The following NMT2 variants were observed in gnomAD, a reference collection of about 807,000 sequenced individuals.
NMT2 encodes the protein N-myristoyltransferase 2, also known as glycylpeptide N-tetradecanoyltransferase 2.
NMT2 carries 35 observed loss-of-function variants against 65.4 expected under a neutral mutation model. The observed-to-expected ratio is 0.54, with a 90% CI of 0.41 to 0.71. The LOEUF (loss-of-function observed/expected upper bound fraction) is 0.71, where lower values mean the gene tolerates loss of function less well. Among genes scored for constraint, NMT2 ranks in the 30% least tolerant of loss-of-function variants. The pLI, the probability that NMT2 is intolerant of heterozygous loss-of-function variation, is 0.00. For synonymous variants in NMT2, 226 were observed against 231.8 expected, an observed-to-expected ratio of 0.98 and a Z score of 0.23; for missense variants, 489 against 611.3, an observed-to-expected ratio of 0.80 and a Z score of 2.11.
At chr10:15,130,821 G>A (rs1156746990) in intron 6 of NMT2, among the ~76,000 whole-genome samples, 17 of 120,020 alleles carry the variant, frequency 1.4e-4, no homozygotes, top group South Asian at 2.4e-4. Flanking sequence ...ACAGATTGTC[G>A]CACTGTCACC....
intron 5 of NMT2, 49 bp downstream of exon 5, chr10:15,133,004 C>T: frequency 6.3e-7 from 1 of 1,595,732 alleles, no homozygotes. Flanking sequence ...CGCAGGAGTC[C>T]CCAAGTCAGC....
chr10:15,160,424 TA>T (rs1275951218), intron 1 of NMT2, among the ~76,000 whole-genome samples: 3 of 152,064 alleles, frequency 2.0e-5, no homozygotes, highest in Admixed American at 2.0e-4. Flanking sequence ...CATGAAAACT[TA>T]AGACCCCAAG....
At position 15,159,526 on chromosome 10, in the gene NMT2, G is replaced by A. The variant is rs563739515; in HGVS notation, c.110+8977C>T. The stretch of plus-strand genomic sequence containing the variant: ...TTATAAAGTGATCTCCATCTCTCGG[G>A]TTCAAGCAATTCTGCCTCAGCCTCC... On this transcript the variant is annotated intron_variant, in intron 1 of 11. Coordinates refer to ENST00000378165, the MANE Select transcript of NMT2 (RefSeq NM_004808.3). Among the ~76,000 whole-genome samples the A allele has an allele frequency of 1.8e-4, 27 of 152,110 alleles. No homozygotes were observed. In the South Asian group the frequency reaches 2.3e-3, roughly 13 times the overall value.
chr10:15,135,868 AG>A (rs1472166856), intron 2 of NMT2, among the ~76,000 whole-genome samples: 1 of 150,476 alleles, frequency 6.6e-6, no homozygotes, highest in African/African-American at 2.4e-5. Flanking sequence ...AGAGAAGGGA[AG>A]GGAAGGGGAG....
rs145379974 is a variant in NMT2 at position 15,116,387 on chromosome 10, G to A, written c.1170+2956C>T. Among the ~76,000 whole-genome samples, 12 of 152,244 alleles carry A rather than the reference G, an allele frequency of 7.9e-5. No individual in the cohort carries two copies. In the East Asian group the frequency reaches 1.9e-3, roughly 24 times the overall value. On this transcript the variant is annotated intron_variant, in intron 9 of 11. Coordinates refer to ENST00000378165, the MANE Select transcript of NMT2 (RefSeq NM_004808.3). Reference sequence around the variant, plus strand: ...AAAATACATAGACGTGAATGACAACGAAGATACAACATACCAAAATACGTC... The same window carrying A: ...AAAATACATAGACGTGAATGACAACAAAGATACAACATACCAAAATACGTC...
At chr10:15,116,088 T>C (rs7921976) in intron 9 of NMT2, among the ~76,000 whole-genome samples, 20,470 of 152,190 alleles carry the variant, frequency 0.13, 1,425 homozygotes, top group Middle Eastern at 0.22. Flanking sequence ...CATGATGCAA[T>C]TGCCATACAA....
intron 1 of NMT2, among the ~76,000 whole-genome samples, chr10:15,157,524 G>A (rs1043803506): frequency 2.0e-5 from 3 of 152,178 alleles, no homozygotes; most frequent in African/African-American, 7.2e-5. Context: ...GCTGGGGGCA[G>A]GGGGCAGAGG....
At chr10:15,132,409 C>A (rs1037856513) in intron 6 of NMT2, among the ~76,000 whole-genome samples, 5 of 152,056 alleles carry the variant, frequency 3.3e-5, no homozygotes, top group Non-Finnish European at 7.4e-5. Flanking sequence ...GGACAGCTTG[C>A]ATTCAGTCAT....
intron 2 of NMT2, among the ~76,000 whole-genome samples, chr10:15,135,778 G>A (rs1026057911): frequency 1.3e-5 from 2 of 152,096 alleles, no homozygotes; most frequent in South Asian, 2.1e-4. Context: ...CGAGCCTTGG[G>A]TGGGGGGCAC....
At chr10:15,140,509 TCTTTC>T (rs1846712016) in intron 2 of NMT2, among the ~76,000 whole-genome samples, 1 of 152,098 alleles carries the variant, frequency 6.6e-6, no homozygotes, top group Admixed American at 6.6e-5. Flanking sequence ...TTCTTTCTTT[TCTTTC>T]TTTTTCTTTT....
At chr10:15,140,872 A>C in intron 2 of NMT2, 1 of 967,308 alleles carries the variant, frequency 1.0e-6, no homozygotes, top group South Asian at 1.4e-5. Flanking sequence ...CCAGCTGGAC[A>C]ACTTCTGGTT....
chr10:15,167,763 A>G (rs984172162), intron 1 of NMT2, among the ~76,000 whole-genome samples: 1 of 152,242 alleles, frequency 6.6e-6, no homozygotes, highest in Non-Finnish European at 1.5e-5. Flanking sequence ...AAATCCGATC[A>G]AGTGTGAAAA....
Position 15,106,955 on chromosome 10 carries a change from G to C in NMT2, c.*2240C>G, listed in dbSNP as rs553172073. On this transcript the variant is annotated 3_prime_UTR_variant, in exon 12 of 12. Coordinates refer to ENST00000378165, the MANE Select transcript of NMT2 (RefSeq NM_004808.3). ...GTCTCTACAAAAAATGAAAAACTTAGCCAGGCGTGGTGGTATGCACGCCCA... is the reference window on the plus strand; with the variant it reads ...GTCTCTACAAAAAATGAAAAACTTACCCAGGCGTGGTGGTATGCACGCCCA... 4.3e-4 allele frequency among the ~76,000 whole-genome samples: 66 copies of C among 152,196 alleles called. No homozygotes were observed. The highest frequency in any genetic ancestry group is 8.8e-5 in the Non-Finnish European group (6 of 68,006).
At chr10:15,152,818 A>G (rs192119363) in intron 1 of NMT2, among the ~76,000 whole-genome samples, 39 of 152,266 alleles carry the variant, frequency 2.6e-4, no homozygotes, top group Middle Eastern at 3.4e-3. Context: ...ATCTCAACAC[A>G]CCACACTGCC....
Position 15,108,478 on chromosome 10 carries a change from C to G in NMT2, c.*717G>C, listed in dbSNP as rs1845392504. On this transcript the variant is annotated 3_prime_UTR_variant, in exon 12 of 12. Transcript: ENST00000378165. ...GGGATTACAGGCGTGAGCCACCACG[C>G]CCGGCCTCAGGCTCTTTCAGAGAGC... 5 of 985,290 alleles carry G rather than the reference C, an allele frequency of 5.1e-6. No individual in the cohort carries two copies. Among genetic ancestry groups the G allele is most frequent in the Non-Finnish European group, 6.0e-6 (5 of 829,894 alleles). The allele number at this position is 985,290 out of a possible 1,614,324, so 61.0% of individuals were successfully genotyped here.
chr10:15,107,630 T>G lies in NMT2; in HGVS notation c.*1565A>C, dbSNP rs1389069381. On this transcript the variant is annotated 3_prime_UTR_variant, in exon 12 of 12. Coordinates refer to ENST00000378165, the MANE Select transcript of NMT2 (RefSeq NM_004808.3). ...CCACACCCAGCTAGTTCTTTTTGAATTTTTAGTAGAGATGGGGTTTCACCA... is the reference window on the plus strand; with the variant it reads ...CCACACCCAGCTAGTTCTTTTTGAAGTTTTAGTAGAGATGGGGTTTCACCA... 4.2e-6 allele frequency: 2 copies of G among 476,038 alleles called. No homozygotes were observed. The highest frequency in any genetic ancestry group is 4.3e-5 in the African/African-American group (2 of 47,026). The allele number at this position is 476,038 out of a possible 1,614,324, so 29.5% of individuals were successfully genotyped here.
chr10:15,166,826 G>C (rs180917913), intron 1 of NMT2, among the ~76,000 whole-genome samples: 2 of 152,236 alleles, frequency 1.3e-5, no homozygotes, highest in East Asian at 3.9e-4. Flanking sequence ...GAAAGGTGTC[G>C]GGGGACAGGC....
In NMT2 at chr10:15,155,089, A is replaced by G. The variant is rs1415673468; in HGVS notation, c.110+13414T>C. The G allele has an allele frequency of 2.8e-6, 4 of 1,407,208 alleles. No individual in the cohort carries two copies. The East Asian group carries it at 9.2e-5, about 32-fold the overall frequency. 87.2% of individuals were successfully genotyped at this position (1,407,208 alleles called of 1,614,324 possible). ...TTCTCATCATCAAATTTCTCCCTGT[A>G]GACAGACTTGCCACCAGTGCCATTA... On this transcript the variant is annotated intron_variant, in intron 1 of 11. Coordinates refer to ENST00000378165, the MANE Select transcript of NMT2 (RefSeq NM_004808.3).
rs34668178 is a variant in NMT2, at chr10:15,147,095, CAAAAAAAAAAAAAAAAAAAAAAAAA to C, written c.111-5563_111-5539del. 1.1e-4 allele frequency among the ~76,000 whole-genome samples: 5 copies of C among 44,488 alleles called. No homozygotes were observed. In the East Asian group the frequency reaches 3.3e-3, roughly 29 times the overall value. The allele number at this position is 44,488 out of a possible 152,430, so 29.2% of individuals were successfully genotyped here. A position where few individuals can be genotyped will look rare whatever the true frequency, so the allele number is the denominator to read the frequency against. ...CAACAGCGAAAGATCCTCTCGCTCT[CAAAAAAAAAAAAAAAAAAAAAAAAA>C]AAAAAAAAAAAAAAAGTGACATCAA... On this transcript the variant is annotated intron_variant, in intron 1 of 11. Transcript: ENST00000378165.
Sources: allele counts gnomAD v4.1 joint callset (sites outside exome capture counted in the v4.1 genomes callset), GRCh38; gene constraint gnomAD v4.1.1; transcripts MANE v1.5; gene names NCBI Gene and HGNC (gene_info 2026-07-23, HGNC 2026-07-21).